COBL: variants seen among roughly 807,000 people sequenced by gnomAD.
COBL encodes protein cordon-bleu.
A neutral mutation model predicts 98.8 loss-of-function variants in COBL; 51 were observed. That is an observed-to-expected ratio of 0.52 (90% CI 0.41 to 0.65). The LOEUF (loss-of-function observed/expected upper bound fraction) is 0.65. COBL is among the 30% of genes least tolerant of loss of function. The probability of loss-of-function intolerance (pLI) is 0.00; values close to 1 mark genes in which losing one functional copy is unlikely to be tolerated. For missense variants in COBL, 1,617 were observed against 1,617.5 expected (o/e 1.00, Z 0.01); for synonymous variants, 634 against 651.7 (o/e 0.97, Z 0.41).
At chr7:51,204,882 T>C (rs547322932) in intron 2 of COBL, among the ~76,000 whole-genome samples, 10 of 152,084 alleles carry the variant, frequency 6.6e-5, no homozygotes, top group Admixed American at 5.9e-4. Context: ...ACATAAACCA[T>C]TTAAAAAGGA....
At position 51,136,279 on chromosome 7, in the gene COBL, A is replaced by G; in HGVS notation, c.836T>C (p.Leu279Pro). The change falls in exon 6 of 13, where the codon CTG becomes CCG. Residue 279 changes from leucine (L) to proline (P), a missense_variant. Physicochemically the swap from Leu to Pro is moderately conservative, Grantham distance 98 (BLOSUM62 -3). Coordinates refer to ENST00000265136, the MANE Select transcript of COBL (RefSeq NM_015198.5). ...SPSMHSRSLT[L>P]GPSLSLGSIS... Reference sequence around the variant, plus strand: ...GCTGCCCAGCGAGAGGGATGGACCCAGCGTAAGAGAACGTGAGTGCATGGA... The same window carrying G: ...GCTGCCCAGCGAGAGGGATGGACCCGGCGTAAGAGAACGTGAGTGCATGGA... 2 of 1,614,116 alleles carry G rather than the reference A, an allele frequency of 1.2e-6. No homozygotes were observed. The highest frequency in any genetic ancestry group is 1.7e-6 in the Non-Finnish European group (2 of 1,180,034).
Position 51,316,637 on chromosome 7 carries a change from G to A in COBL, c.-4C>T. The A allele has an allele frequency of 8.3e-7, 1 of 1,197,918 alleles. No individual in the cohort carries two copies. The highest frequency in any genetic ancestry group is 4.5e-5 in the Admixed American group (1 of 22,456). 74.2% of individuals were successfully genotyped at this position (1,197,918 alleles called of 1,614,324 possible). A position where few individuals can be genotyped will look rare whatever the true frequency, so the allele number is the denominator to read the frequency against. On this transcript the variant is annotated 5_prime_UTR_variant, in exon 1 of 13. Coordinates refer to ENST00000265136, the MANE Select transcript of COBL (RefSeq NM_015198.5). ...CCGAGGCGCGCGGCGCGTCCATGGT[G>A]CCGGGGGCCGGGACGCGGGCGGTGC...
intron 1 of COBL, among the ~76,000 whole-genome samples, chr7:51,254,497 C>G (rs1448404809): frequency 6.6e-6 from 1 of 152,200 alleles, no homozygotes; most frequent in Non-Finnish European, 1.5e-5. Context: ...AACAAATTGG[C>G]CAACATTCAA....
chr7:51,251,307 C>T (rs931737459), intron 1 of COBL, among the ~76,000 whole-genome samples: 15 of 152,168 alleles, frequency 9.9e-5, no homozygotes, highest in Admixed American at 8.5e-4. Context: ...ATATCCAACA[C>T]GATATTAGCT....
At chr7:51,066,343 T>C (rs914638022) in intron 7 of COBL, among the ~76,000 whole-genome samples, 6 of 152,128 alleles carry the variant, frequency 3.9e-5, no homozygotes, top group African/African-American at 1.4e-4. Flanking sequence ...TCCTCCACTT[T>C]CTCCTTCCTC....
chr7:51,169,118 C>T (rs1008590074), intron 5 of COBL, among the ~76,000 whole-genome samples: 4 of 152,170 alleles, frequency 2.6e-5, no homozygotes, highest in Admixed American at 2.0e-4. Flanking sequence ...AAGCCTGCTA[C>T]CCGGAGGCTT....
intron 6 of COBL, among the ~76,000 whole-genome samples, chr7:51,102,458 C>A (rs1433757391): frequency 6.6e-6 from 1 of 152,150 alleles, no homozygotes; most frequent in Non-Finnish European, 1.5e-5. Context: ...CACAGCCTCA[C>A]GCTCCCACTC....
intron 1 of COBL, among the ~76,000 whole-genome samples, chr7:51,308,419 G>C (rs111954079): frequency 1.3e-5 from 2 of 152,190 alleles, no homozygotes; most frequent in African/African-American, 2.4e-5. Flanking sequence ...CAGACAGACA[G>C]ACACACACTC....
At chr7:51,196,489 T>C (rs889244475) in intron 2 of COBL, among the ~76,000 whole-genome samples, 1 of 152,142 alleles carries the variant, frequency 6.6e-6, no homozygotes, top group Admixed American at 6.5e-5. Context: ...TGTCAGTTTT[T>C]GGTATCAGGA....
chr7:51,263,833 T>A (rs1797935734), intron 1 of COBL, among the ~76,000 whole-genome samples: 2 of 152,216 alleles, frequency 1.3e-5, no homozygotes, highest in African/African-American at 4.8e-5. Flanking sequence ...AATATTTTGA[T>A]ATGATTCCTA....
At chr7:51,092,034 G>A (rs1344234493) in intron 6 of COBL, among the ~76,000 whole-genome samples, 1 of 152,212 alleles carries the variant, frequency 6.6e-6, no homozygotes, top group Non-Finnish European at 1.5e-5. Context: ...AGCAAGAGGT[G>A]AGTGGTAAGT....
intron 1 of COBL, among the ~76,000 whole-genome samples, chr7:51,292,851 C>T (rs1000705937): frequency 2.0e-5 from 3 of 152,270 alleles, no homozygotes; most frequent in South Asian, 2.1e-4. Flanking sequence ...GGGATGCCCA[C>T]GTATCCCAGG....
chr7:51,237,218 A>C (rs892486176), intron 1 of COBL, among the ~76,000 whole-genome samples: 1 of 152,194 alleles, frequency 6.6e-6, no homozygotes. Flanking sequence ...GCACTCACAA[A>C]GTAAACTAAT....
chr7:51,264,585 C>T (rs745381922), intron 1 of COBL, among the ~76,000 whole-genome samples: 37 of 148,054 alleles, frequency 2.5e-4, no homozygotes, highest in Admixed American at 5.5e-4. Context: ...GAAGGAGAAT[C>T]GCTTGAACCC....
chr7:51,173,095 T>C (rs1454649787), intron 5 of COBL, among the ~76,000 whole-genome samples: 1 of 151,772 alleles, frequency 6.6e-6, no homozygotes, highest in Non-Finnish European at 1.5e-5. Flanking sequence ...AGCAAAAATA[T>C]GCAATTTTAA....
chr7:51,294,295 C>CATAA (rs201170093), intron 1 of COBL, among the ~76,000 whole-genome samples: 9,256 of 138,836 alleles, frequency 0.067, 440 homozygotes, highest in East Asian at 0.25. Flanking sequence ...CATCTCAAAA[C>CATAA]ATAAATAAAT....
intron 2 of COBL, among the ~76,000 whole-genome samples, chr7:51,202,908 G>T (rs1425532608): frequency 2.0e-5 from 3 of 152,122 alleles, no homozygotes; most frequent in Non-Finnish European, 4.4e-5. Context: ...GAGCATGGTG[G>T]CACGGGCCTG....
rs867646555 is a variant in COBL at position 51,294,336 on chromosome 7, A to C, written c.41+22257T>G. Among the ~76,000 whole-genome samples the C allele has an allele frequency of 2.7e-5, 4 of 149,400 alleles. No homozygotes were observed. In the Admixed American group the frequency reaches 2.7e-4, roughly 10 times the overall value. The stretch of plus-strand genomic sequence containing the variant: ...AATAAATAAATAAATAAATAAAAAT[A>C]AATAAATAAATAAAAGGCAGGGCGC... On this transcript the variant is annotated intron_variant, in intron 1 of 12. Coordinates refer to ENST00000265136, the MANE Select transcript of COBL (RefSeq NM_015198.5).
At chr7:51,227,014 C>T (rs1408370642) in intron 1 of COBL, among the ~76,000 whole-genome samples, 6 of 152,134 alleles carry the variant, frequency 3.9e-5, no homozygotes, top group Admixed American at 6.5e-5. Flanking sequence ...CACTTTGCAC[C>T]GCCTCCAGCC....
Sources: allele counts gnomAD v4.1 joint callset (sites outside exome capture counted in the v4.1 genomes callset), GRCh38; gene constraint gnomAD v4.1.1; transcripts MANE v1.5; gene names NCBI Gene and HGNC (gene_info 2026-07-23, HGNC 2026-07-21).